DCDC1: variants seen among roughly 807,000 people sequenced by gnomAD.
The protein encoded by DCDC1 is doublecortin domain containing 1.
A neutral mutation model predicts 178.3 loss-of-function variants in DCDC1; 200 were observed. The ratio of observed to expected loss-of-function variants is 1.12; its 90% CI spans 1.00 to 1.26. The LOEUF (loss-of-function observed/expected upper bound fraction) is 1.26, where lower values mean the gene tolerates loss of function less well. DCDC1 is among the 50% of genes most tolerant of loss of function. DCDC1 has a pLI of 0.00. For synonymous variants in DCDC1, 690 were observed against 604.8 expected (o/e 1.14, Z -2.07); for missense variants, 1,983 against 1,749.2 (o/e 1.13, Z -2.38).
intron 9 of DCDC1, among the ~76,000 whole-genome samples, chr11:31,196,752 T>C (rs1401528548): frequency 2.0e-5 from 3 of 152,064 alleles, no homozygotes; most frequent in Non-Finnish European, 1.5e-5. Flanking sequence ...GAGGATTCTT[T>C]ACATAGGCAT....
intron 1 of DCDC1, among the ~76,000 whole-genome samples, chr11:31,365,884 T>C (rs1223802003): frequency 6.6e-6 from 1 of 152,230 alleles, no homozygotes; most frequent in Non-Finnish European, 1.5e-5. Flanking sequence ...TTGGGTTTGA[T>C]TTTATTTTTC....
chr11:31,032,908 T>C (rs1428822483), intron 20 of DCDC1, among the ~76,000 whole-genome samples: 1 of 152,110 alleles, frequency 6.6e-6, no homozygotes, highest in Admixed American at 6.5e-5. Context: ...ACTCCTGCAA[T>C]TTAGTGGATC....
intron 9 of DCDC1, among the ~76,000 whole-genome samples, chr11:31,168,184 A>C (rs908062203): frequency 3.4e-4 from 52 of 152,074 alleles, no homozygotes; most frequent in African/African-American, 1.2e-3. Context: ...CTACCCCCTC[A>C]ATCTCTTTAA....
intron 9 of DCDC1, among the ~76,000 whole-genome samples, chr11:31,152,350 T>C (rs1391405783): frequency 1.3e-5 from 2 of 151,764 alleles, no homozygotes; most frequent in Non-Finnish European, 2.9e-5. Context: ...GGAGATAGAG[T>C]ATAGTTGTAT....
At chr11:31,166,285 A>C (rs190554698) in intron 9 of DCDC1, among the ~76,000 whole-genome samples, 14 of 152,178 alleles carry the variant, frequency 9.2e-5, no homozygotes, top group Admixed American at 9.2e-4. Context: ...TGAAATTGTA[A>C]GGAAAGCTAT....
chr11:31,137,705 T>C lies in DCDC1; in HGVS notation c.1301A>G (p.Lys434Arg), dbSNP rs1043129647. 2.8e-6 allele frequency: 2 copies of C among 702,750 alleles called. No homozygotes were observed. Among genetic ancestry groups the C allele is most frequent in the Non-Finnish European group, 5.2e-6 (2 of 384,948 alleles). 43.5% of individuals were successfully genotyped at this position (702,750 alleles called of 1,614,324 possible). ...TAATTTCCTTACTTCTTCCTGTTCCTTATGGTGTTCCTTTGCCGTCATTGA... is the reference window on the plus strand; with the variant it reads ...TAATTTCCTTACTTCTTCCTGTTCCCTATGGTGTTCCTTTGCCGTCATTGA... Reference protein sequence around the residue: ...ILSMTAKEHHKEQEEVSRLID... With the variant: ...ILSMTAKEHHREQEEVSRLID... Residue 434 changes from lysine to arginine, a missense_variant, in exon 10 of 39, where the codon AAG (lysine) becomes AGG (arginine). Lys to Arg is a conservative substitution (Grantham distance 26, BLOSUM62 2). Coordinates refer to ENST00000684477, the MANE Select transcript of DCDC1 (RefSeq NM_001387274.1).
chr11:30,889,322 G>A (rs556617619), intron 36 of DCDC1, among the ~76,000 whole-genome samples: 112 of 152,320 alleles, frequency 7.4e-4, no homozygotes, highest in South Asian at 6.0e-3. Context: ...GAAGAACATG[G>A]CTAAATCATC....
Position 30,952,348 on chromosome 11 carries a change from C to T in DCDC1, c.2715+97G>A. 3 of 1,137,838 alleles carry T rather than the reference C, an allele frequency of 2.6e-6. No homozygotes were observed. The South Asian group carries it at 8.0e-5, about 31-fold the overall frequency. 70.5% of individuals were successfully genotyped at this position (1,137,838 alleles called of 1,614,324 possible). A position where few individuals can be genotyped will look rare whatever the true frequency, so the allele number is the denominator to read the frequency against. Reference sequence around the variant, plus strand: ...TTTGATATCTTGCACCTAACAGCTGCAATTCAAAAGCTATATGGAAGTTGT... The same window carrying T: ...TTTGATATCTTGCACCTAACAGCTGTAATTCAAAAGCTATATGGAAGTTGT... On this transcript the variant is annotated intron_variant, in intron 21 of 38. Coordinates refer to ENST00000684477, the MANE Select transcript of DCDC1 (RefSeq NM_001387274.1).
chr11:30,910,475 G>T (rs534667803), intron 28 of DCDC1, among the ~76,000 whole-genome samples: 136 of 152,144 alleles, frequency 8.9e-4, no homozygotes, highest in Admixed American at 1.7e-3. Flanking sequence ...AGATTGCTAT[G>T]TCTCAATTTT....
intron 36 of DCDC1, among the ~76,000 whole-genome samples, chr11:30,890,143 T>A (rs1467947077): frequency 6.6e-6 from 1 of 152,214 alleles, no homozygotes; most frequent in East Asian, 1.9e-4. Flanking sequence ...ATCTTGGACA[T>A]CCAGCCTCCA....
intron 9 of DCDC1, among the ~76,000 whole-genome samples, chr11:31,161,189 G>A (rs1214674258): frequency 1.3e-5 from 2 of 152,034 alleles, no homozygotes; most frequent in East Asian, 1.9e-4. Context: ...CACTAGGACT[G>A]AGAGGTACAA....
At chr11:30,888,142 GAAAGAAAGAA>G (rs1194273337) in intron 36 of DCDC1, among the ~76,000 whole-genome samples, 1 of 141,112 alleles carries the variant, frequency 7.1e-6, no homozygotes, top group African/African-American at 2.8e-5. Flanking sequence ...AAGAAAGAAA[GAAAGAAAGAA>G]AGAAAGAAAG....
chr11:31,272,117 G>T (rs575592305), intron 7 of DCDC1, among the ~76,000 whole-genome samples: 1 of 150,712 alleles, frequency 6.6e-6, no homozygotes, highest in Admixed American at 6.6e-5. Context: ...AGCCGAGATC[G>T]TGCCATTGCA....
chr11:31,315,306 C>CTTTTTTTTTTTTT (rs72156406), intron 3 of DCDC1, among the ~76,000 whole-genome samples: 1 of 62,140 alleles, frequency 1.6e-5, no homozygotes, highest in Non-Finnish European at 2.8e-5. Context: ...TTTGCATACC[C>CTTTTTTTTTTTTT]TTTTTTTTTT....
At chr11:31,139,669 A>T (rs2136014849) in intron 9 of DCDC1, among the ~76,000 whole-genome samples, 1 of 152,296 alleles carries the variant, frequency 6.6e-6, no homozygotes, top group South Asian at 2.1e-4. Flanking sequence ...GATGCTAACG[A>T]GTTTTCAGGG....
intron 20 of DCDC1, among the ~76,000 whole-genome samples, chr11:30,977,708 T>C (rs547681460): frequency 1.3e-4 from 20 of 152,216 alleles, no homozygotes; most frequent in African/African-American, 4.8e-4. Context: ...GGTGGGCAGA[T>C]TGCCTGAGCT....
intron 17 of DCDC1, among the ~76,000 whole-genome samples, chr11:31,081,890 G>A (rs1957199542): frequency 6.6e-6 from 1 of 151,952 alleles, no homozygotes; most frequent in South Asian, 2.1e-4. Context: ...TGGATGAAAA[G>A]GTATCATTCT....
chr11:31,292,591 A>T (rs151334042), intron 6 of DCDC1, among the ~76,000 whole-genome samples: 1 of 152,290 alleles, frequency 6.6e-6, no homozygotes, highest in East Asian at 1.9e-4. Context: ...ACATATACTG[A>T]TGGTTGCCAG....
rs1159845021 is a variant in DCDC1, at chr11:31,322,153, TTGTTTTACATCTGCTACA to T, written c.164+5946_164+5963del. On this transcript the variant is annotated intron_variant, in intron 3 of 38. Transcript: ENST00000684477. ...ATCCCACTCTGCAAGAGTAAGATCC[TTGTTTTACATCTGCTACA>T]TTTCCACAGGAACTCAATCAGTGGT... is the stretch of plus-strand genomic sequence containing the variant. 2.0e-5 allele frequency among the ~76,000 whole-genome samples: 3 copies of T among 152,340 alleles called. No individual in the cohort carries two copies. The East Asian group carries it at 5.8e-4, about 29-fold the overall frequency.
Sources: gnomAD v4.1 joint callset for allele counts (sites outside exome capture counted in the v4.1 genomes callset) on GRCh38, gnomAD v4.1.1 for gene constraint, MANE v1.5 for transcripts, NCBI Gene and HGNC (gene_info 2026-07-23, HGNC 2026-07-21) for gene names.